Variants in TSNARE1 observed in about 807,000 individuals in gnomAD.
TSNARE1 encodes t-SNARE domain containing 1.
Under a neutral mutation model 62.0 loss-of-function variants are expected in TSNARE1, and 49 were observed. The ratio of observed to expected loss-of-function variants is 0.79; its 90% CI spans 0.63 to 1.00. The LOEUF is 1.00. TSNARE1 is among the 50% of genes least tolerant of loss of function. The pLI is 0.00. For synonymous variants in TSNARE1, 328 were observed against 294.4 expected, an observed-to-expected ratio of 1.11 and a Z score of -1.17; for missense variants, 755 against 700.1, an observed-to-expected ratio of 1.08 and a Z score of -0.88.
intron 13 of TSNARE1, among the ~76,000 whole-genome samples, chr8:142,227,061 A>C: frequency 7.1e-6 from 1 of 140,738 alleles, no homozygotes; most frequent in Non-Finnish European, 1.5e-5. Context: ...CAGGCCCCCC[A>C]CTGCACCCAC....
rs181800393 is a variant in TSNARE1 at position 142,383,084 on chromosome 8, C to T, written c.-40+20020G>A. Among the ~76,000 whole-genome samples, 7 of 152,240 alleles carry T rather than the reference C, an allele frequency of 4.6e-5. No homozygotes were observed. The East Asian group carries it at 1.4e-3, about 30-fold the overall frequency. On this transcript the variant is annotated intron_variant, in intron 1 of 13. Coordinates refer to ENST00000524325, the MANE Select transcript of TSNARE1 (RefSeq NM_145003.5). ...CACAACAGGACAGGGAAAGGCTGGC[C>T]CTAGCCCTGCCTGGGACCAAGAAGA...
intron 10 of TSNARE1, among the ~76,000 whole-genome samples, chr8:142,297,738 G>T (rs540818437): frequency 6.6e-6 from 1 of 152,258 alleles, no homozygotes; most frequent in Non-Finnish European, 1.5e-5. Context: ...CCTCTCATGC[G>T]TCACGCTGGA....
intron 1 of TSNARE1, among the ~76,000 whole-genome samples, chr8:142,360,841 C>T (rs1563984907): frequency 1.3e-5 from 2 of 152,236 alleles, no homozygotes; most frequent in Non-Finnish European, 2.9e-5. Context: ...CCGGCTCCAG[C>T]TCTGGGGCTC....
chr8:142,271,611 G>A, intron 12 of TSNARE1: 2 of 1,433,554 alleles, frequency 1.4e-6, no homozygotes, highest in Non-Finnish European at 1.8e-6. Context: ...AAGTCCAGGG[G>A]GTCAGGTTCA....
intron 13 of TSNARE1, among the ~76,000 whole-genome samples, chr8:142,220,329 C>T (rs1303640693): frequency 6.6e-6 from 1 of 152,190 alleles, no homozygotes; most frequent in Non-Finnish European, 1.5e-5. Flanking sequence ...CTGCACAGCA[C>T]CCTCTGCTGC....
intron 9 of TSNARE1, among the ~76,000 whole-genome samples, chr8:142,304,535 AG>A (rs1001345021): frequency 1.3e-5 from 2 of 152,198 alleles, no homozygotes; most frequent in African/African-American, 4.8e-5. Flanking sequence ...TCACTCCACC[AG>A]GAACCCGAGC....
intron 1 of TSNARE1, among the ~76,000 whole-genome samples, chr8:142,378,494 G>C (rs571315169): frequency 6.6e-6 from 1 of 152,324 alleles, no homozygotes; most frequent in South Asian, 2.1e-4. Context: ...ATACACGCTT[G>C]AAGTTTGCGC....
chr8:142,331,500 G>A (rs1289951973), intron 5 of TSNARE1, among the ~76,000 whole-genome samples: 1 of 152,212 alleles, frequency 6.6e-6, no homozygotes, highest in Non-Finnish European at 1.5e-5. Flanking sequence ...GCCAGCGGGA[G>A]CGGTACCCGG....
intron 9 of TSNARE1, among the ~76,000 whole-genome samples, chr8:142,306,445 C>G (rs900198728): frequency 1.3e-5 from 2 of 152,238 alleles, no homozygotes; most frequent in Non-Finnish European, 2.9e-5. Context: ...TGATGCTGCC[C>G]CAGGGACTGG....
intron 13 of TSNARE1, among the ~76,000 whole-genome samples, chr8:142,224,176 G>A (rs1251322388): frequency 1.3e-5 from 2 of 152,224 alleles, no homozygotes; most frequent in Non-Finnish European, 1.5e-5. Context: ...GAGGCTTCTG[G>A]AAACACTGGC....
At chr8:142,382,997 G>A (rs556146828) in intron 1 of TSNARE1, among the ~76,000 whole-genome samples, 20 of 152,306 alleles carry the variant, frequency 1.3e-4, no homozygotes, top group African/African-American at 4.6e-4. Context: ...AGGAGGGCAG[G>A]GGGGCAGGAA....
At chr8:142,365,802 G>C (rs1835509530) in intron 1 of TSNARE1, 1 of 318,804 alleles carries the variant, frequency 3.1e-6, no homozygotes, top group Admixed American at 4.7e-5. Flanking sequence ...AAACTCACTG[G>C]AAATTATTTT....
chr8:142,349,100 C>T (rs1400314418), intron 2 of TSNARE1, among the ~76,000 whole-genome samples: 1 of 152,212 alleles, frequency 6.6e-6, no homozygotes, highest in Non-Finnish European at 1.5e-5. Context: ...GGCACTGAGC[C>T]AGGCTCGCCC....
At chr8:142,403,005 C>A in intron 1 of TSNARE1, 99 bp downstream of exon 1, 1 of 149,066 alleles carries the variant, frequency 6.7e-6, no homozygotes, top group South Asian at 1.8e-4. Context: ...GCCGCGGCCC[C>A]CGCCGGGCTC....
chr8:142,396,173 G>C (rs73372252), intron 1 of TSNARE1, among the ~76,000 whole-genome samples: 5 of 152,046 alleles, frequency 3.3e-5, no homozygotes, highest in Admixed American at 6.5e-5. Context: ...CTTCCCATTG[G>C]TACAGGTTCA....
intron 10 of TSNARE1, among the ~76,000 whole-genome samples, chr8:142,297,399 TG>T (rs1370157972): frequency 6.6e-6 from 1 of 152,240 alleles, no homozygotes; most frequent in Non-Finnish European, 1.5e-5. Context: ...GGGCCTCAGC[TG>T]GCCCGTGTGT....
chr8:142,345,974 G>C, intron 2 of TSNARE1, 82 bp from the exon 3 acceptor site: 5 of 1,512,964 alleles, frequency 3.3e-6, no homozygotes, highest in Non-Finnish European at 2.7e-6. Flanking sequence ...ACGGACAGCA[G>C]ACACCCAGGA....
intron 1 of TSNARE1, among the ~76,000 whole-genome samples, chr8:142,389,494 C>T (rs908399419): frequency 9.9e-5 from 15 of 152,190 alleles, no homozygotes; most frequent in African/African-American, 2.4e-5. Context: ...ATATATCACA[C>T]TTAAACATGT....
At chr8:142,303,259 A>G (rs889018354) in intron 9 of TSNARE1, among the ~76,000 whole-genome samples, 5 of 152,066 alleles carry the variant, frequency 3.3e-5, no homozygotes, top group Non-Finnish European at 7.4e-5. Flanking sequence ...AAGCTCTGTG[A>G]GCGCTCCTGG....
Sources: gnomAD v4.1 joint callset for allele counts (sites outside exome capture counted in the v4.1 genomes callset) on GRCh38, gnomAD v4.1.1 for gene constraint, MANE v1.5 for transcripts, NCBI Gene and HGNC (gene_info 2026-07-23, HGNC 2026-07-21) for gene names.